The following PCDH11X variants were observed in gnomAD, a reference collection of about 807,000 sequenced individuals.
The protein encoded by PCDH11X is protocadherin 11 X-linked.
In PCDH11X, 18 loss-of-function variants were observed where a neutral mutation model predicts 53.3. The observed-to-expected ratio is 0.34, with a 90% CI of 0.23 to 0.50. The LOEUF is 0.50. PCDH11X is among the 20% of genes least tolerant of loss of function. PCDH11X has a pLI of 0.98. For missense variants in PCDH11X, 570 were observed against 1,032.4 expected (o/e 0.55, Z 6.14); for synonymous variants, 279 against 393.3 (o/e 0.71, Z 3.44).
intron 9 of PCDH11X, among the ~76,000 whole-genome samples, chrX:92,407,219 A>C (rs972164097): frequency 9.0e-6 from 1 of 110,939 alleles, no homozygotes; most frequent in Admixed American, 9.6e-5. Context: ...TGAACATTTC[A>C]CAGAAATTAG....
At chrX:92,125,857 T>C (rs2064851574) in intron 6 of PCDH11X, among the ~76,000 whole-genome samples, 1 of 110,569 alleles carries the variant, frequency 9.0e-6, no homozygotes, top group African/African-American at 3.3e-5. Flanking sequence ...CTGGGCGCAG[T>C]GTCTCACGCC....
intron 7 of PCDH11X, among the ~76,000 whole-genome samples, chrX:92,214,850 A>C (rs761348274): frequency 7.3e-4 from 81 of 110,883 alleles, no homozygotes; most frequent in Non-Finnish European, 2.3e-4. Flanking sequence ...AGAGTTTGAG[A>C]CCAGCATGGG....
chrX:91,837,564 T>C (rs1183799968), intron 5 of PCDH11X, among the ~76,000 whole-genome samples: 5 of 111,372 alleles, frequency 4.5e-5, no homozygotes, highest in African/African-American at 6.5e-5. Context: ...TGACCTTTAA[T>C]TTCTTCAGTC....
At chrX:92,481,190 C>T (rs1423405541) in intron 10 of PCDH11X, among the ~76,000 whole-genome samples, 1 of 110,213 alleles carries the variant, frequency 9.1e-6, no homozygotes, top group Non-Finnish European at 1.9e-5. Context: ...GGCTGCTGGG[C>T]TCTGTGCCCA....
intron 6 of PCDH11X, among the ~76,000 whole-genome samples, chrX:92,004,479 G>C (rs769609408): frequency 1.8e-5 from 2 of 111,028 alleles, no homozygotes; most frequent in East Asian, 5.7e-4. Flanking sequence ...CTGAAGGTCT[G>C]GTGGTGAAGT....
intron 10 of PCDH11X, among the ~76,000 whole-genome samples, chrX:92,521,283 A>G (rs1313876874): frequency 8.9e-6 from 1 of 112,295 alleles, no homozygotes; most frequent in Non-Finnish European, 1.9e-5. Flanking sequence ...TTCATGGACT[A>G]TAGAATGAAT....
At chrX:91,981,680 G>A (rs1207391249) in intron 6 of PCDH11X, among the ~76,000 whole-genome samples, 1 of 110,630 alleles carries the variant, frequency 9.0e-6, no homozygotes, top group African/African-American at 3.3e-5. Context: ...CCACATGGCT[G>A]GGGAAGCCTC....
intron 9 of PCDH11X, among the ~76,000 whole-genome samples, chrX:92,456,684 AAATAAGTTC>A (rs2072914540): frequency 9.0e-6 from 1 of 111,468 alleles, no homozygotes; most frequent in African/African-American, 3.3e-5. Context: ...CAGACTGATA[AAATAAGTTC>A]CTCATACTCC....
intron 8 of PCDH11X, among the ~76,000 whole-genome samples, chrX:92,350,733 G>C (rs1459115777): frequency 2.7e-5 from 3 of 111,461 alleles, no homozygotes; most frequent in Non-Finnish European, 5.7e-5. Flanking sequence ...ACGCTGCTCT[G>C]TCTGTCTGAG....
intron 6 of PCDH11X, among the ~76,000 whole-genome samples, chrX:91,916,751 G>A (rs1004508932): frequency 1.7e-4 from 19 of 110,639 alleles, no homozygotes; most frequent in African/African-American, 5.6e-4. Context: ...AAAAGAATTG[G>A]TACAAATTTT....
intron 7 of PCDH11X, among the ~76,000 whole-genome samples, chrX:92,237,103 G>A (rs1033716307): frequency 6.3e-5 from 7 of 111,115 alleles, no homozygotes; most frequent in African/African-American, 2.0e-4. Context: ...CTTCATTTTT[G>A]TCATTCTAGT....
intron 7 of PCDH11X, among the ~76,000 whole-genome samples, chrX:92,258,203 A>G (rs1216720416): frequency 2.7e-5 from 3 of 110,751 alleles, no homozygotes; most frequent in Non-Finnish European, 3.8e-5. Context: ...GAGGCTGTGC[A>G]GTGCAGCAGG....
intron 6 of PCDH11X, chrX:91,883,846 G>T: frequency 4.0e-6 from 3 of 749,805 alleles, no homozygotes; most frequent in Non-Finnish European, 4.7e-6. Flanking sequence ...AATTTTACTA[G>T]GTTTTTATGT....
chrX:91,806,220 T>TA (rs746161803), intron 1 of PCDH11X, among the ~76,000 whole-genome samples: 20 of 113,027 alleles, frequency 1.8e-4, no homozygotes, highest in African/African-American at 5.1e-4. Flanking sequence ...CTTGCTAGAA[T>TA]AAAAAAAAAT....
intron 6 of PCDH11X, among the ~76,000 whole-genome samples, chrX:92,051,993 G>A (rs1349086668): frequency 2.8e-5 from 3 of 108,493 alleles, no homozygotes; most frequent in Non-Finnish European, 5.7e-5. Flanking sequence ...TCTCCATCCA[G>A]TTCCAGCAAA....
At chrX:92,402,453 C>T (rs1344642273) in intron 9 of PCDH11X, among the ~76,000 whole-genome samples, 1 of 111,089 alleles carries the variant, frequency 9.0e-6, no homozygotes, top group Non-Finnish European at 1.9e-5. Context: ...ACCAGTGGAA[C>T]CGAATAGAGA....
At chrX:92,334,568 G>A (rs2069570658) in intron 8 of PCDH11X, among the ~76,000 whole-genome samples, 1 of 110,942 alleles carries the variant, frequency 9.0e-6, no homozygotes, top group African/African-American at 3.3e-5. Flanking sequence ...AACACCATGG[G>A]AGCCATACGA....
At chrX:91,960,218 G>T (rs1469614978) in intron 6 of PCDH11X, among the ~76,000 whole-genome samples, 8 of 101,562 alleles carry the variant, frequency 7.9e-5, no homozygotes, top group Non-Finnish European at 1.4e-4. Context: ...TCATTCTTTA[G>T]GTTGCCTCTT....
chrX:91,980,463 T>G (rs2062111112), intron 6 of PCDH11X, among the ~76,000 whole-genome samples: 1 of 108,385 alleles, frequency 9.2e-6, no homozygotes, highest in African/African-American at 3.4e-5. Context: ...AGCTGGAGGG[T>G]TTTTTCGTTT....
Sources: allele counts gnomAD v4.1 joint callset (sites outside exome capture counted in the v4.1 genomes callset), GRCh38; gene constraint gnomAD v4.1.1; transcripts MANE v1.5; gene names NCBI Gene and HGNC (gene_info 2026-07-23, HGNC 2026-07-21).